Variants in PLPPR1 observed in about 807,000 individuals in gnomAD.
The protein encoded by PLPPR1 is phospholipid phosphatase-related protein type 1.
Under a neutral mutation model 33.1 loss-of-function variants are expected in PLPPR1, and 10 were observed. The ratio of observed to expected loss-of-function variants is 0.30; its 90% confidence interval spans 0.19 to 0.51. The LOEUF is 0.51. Among genes scored for constraint, PLPPR1 ranks in the 20% least tolerant of loss-of-function variants. The pLI, the probability that PLPPR1 is intolerant of heterozygous loss-of-function variation, is 0.97. For synonymous variants in PLPPR1, 151 were observed against 151.0 expected (o/e 1.00, Z 0.00); for missense variants, 304 against 408.1 (o/e 0.74, Z 2.20).
At chr9:101,222,076 AC>A (rs1174403016) in intron 2 of PLPPR1, among the ~76,000 whole-genome samples, 2 of 152,166 alleles carry the variant, frequency 1.3e-5, no homozygotes, top group Non-Finnish European at 2.9e-5. Flanking sequence ...GCAATGCATG[AC>A]TTCTTTAGGT....
intron 1 of PLPPR1, among the ~76,000 whole-genome samples, chr9:101,146,520 A>G (rs1299675127): frequency 1.3e-5 from 2 of 152,232 alleles, no homozygotes; most frequent in Non-Finnish European, 2.9e-5. Context: ...CATGTGTCCC[A>G]TGTCCTGTCC....
At chr9:101,186,110 G>A (rs1432434956) in intron 2 of PLPPR1, among the ~76,000 whole-genome samples, 1 of 151,798 alleles carries the variant, frequency 6.6e-6, no homozygotes, top group Non-Finnish European at 1.5e-5. Context: ...CTCCAACTTT[G>A]TACTAGCAGT....
intron 1 of PLPPR1, among the ~76,000 whole-genome samples, chr9:101,172,247 G>T (rs967208967): frequency 9.9e-5 from 15 of 151,982 alleles, no homozygotes; most frequent in African/African-American, 2.7e-4. Flanking sequence ...GGGAAAAAGC[G>T]TACCACTCAG....
At chr9:101,064,185 G>C (rs1342218204) in intron 1 of PLPPR1, among the ~76,000 whole-genome samples, 1 of 151,988 alleles carries the variant, frequency 6.6e-6, no homozygotes, top group East Asian at 1.9e-4. Context: ...TTATTTTAAA[G>C]TAACTATTCC....
At chr9:101,174,473 G>T (rs1825990202) in intron 1 of PLPPR1, among the ~76,000 whole-genome samples, 1 of 152,118 alleles carries the variant, frequency 6.6e-6, no homozygotes, top group South Asian at 2.1e-4. Flanking sequence ...TCAAGGCTGG[G>T]CAGAAAGGCC....
At chr9:101,239,718 G>C (rs1026940169) in intron 2 of PLPPR1, among the ~76,000 whole-genome samples, 1 of 151,918 alleles carries the variant, frequency 6.6e-6, no homozygotes, top group Non-Finnish European at 1.5e-5. Flanking sequence ...GCTTTTGAGA[G>C]ATGTCTATTC....
At chr9:101,313,514 G>A (rs1261394863) in intron 6 of PLPPR1, among the ~76,000 whole-genome samples, 1 of 152,056 alleles carries the variant, frequency 6.6e-6, no homozygotes, top group Non-Finnish European at 1.5e-5. Flanking sequence ...TGTTACTATT[G>A]GAACATGCCT....
At chr9:101,114,367 A>G (rs1391004283) in intron 1 of PLPPR1, among the ~76,000 whole-genome samples, 1 of 152,198 alleles carries the variant, frequency 6.6e-6, no homozygotes, top group Non-Finnish European at 1.5e-5. Flanking sequence ...CCAACAGGGG[A>G]CAGATAGCAC....
intron 1 of PLPPR1, among the ~76,000 whole-genome samples, chr9:101,079,701 T>A (rs927120064): frequency 2.0e-5 from 3 of 152,076 alleles, no homozygotes; most frequent in Admixed American, 2.0e-4. Context: ...TGCCTCAGCC[T>A]CCTGAGTAGC....
At chr9:101,249,985 A>AT (rs1255255815) in intron 2 of PLPPR1, among the ~76,000 whole-genome samples, 1 of 152,006 alleles carries the variant, frequency 6.6e-6, no homozygotes, top group Non-Finnish European at 1.5e-5. Context: ...TTCAACCGAT[A>AT]TTTTTTGCAA....
chr9:101,299,627 T>C (rs1319130552), intron 4 of PLPPR1, among the ~76,000 whole-genome samples: 1 of 152,206 alleles, frequency 6.6e-6, no homozygotes, highest in East Asian at 1.9e-4. Context: ...GATTCTTTTC[T>C]GTGGGTCCTC....
chr9:101,029,185 G>A (rs1217671336), intron 1 of PLPPR1, 83 bp downstream of exon 1: 3 of 153,482 alleles, frequency 2.0e-5, no homozygotes, highest in African/African-American at 7.2e-5. Context: ...CTCCTGGCCG[G>A]ACCCGGCGGC....
At chr9:101,156,552 C>CAAAAAAA (rs1162056636) in intron 1 of PLPPR1, among the ~76,000 whole-genome samples, 17 of 71,276 alleles carry the variant, frequency 2.4e-4, no homozygotes, top group African/African-American at 6.4e-4. Context: ...ACCCTGTCTC[C>CAAAAAAA]AAAAAAAAAA....
intron 1 of PLPPR1, among the ~76,000 whole-genome samples, chr9:101,152,408 T>TC (rs1831601483): frequency 1.3e-5 from 2 of 152,220 alleles, no homozygotes; most frequent in Non-Finnish European, 2.9e-5. Context: ...TTTAATTAGA[T>TC]CCCATTTGTC....
At chr9:101,311,840 A>G (rs1006636439) in intron 5 of PLPPR1, among the ~76,000 whole-genome samples, 3 of 152,246 alleles carry the variant, frequency 2.0e-5, no homozygotes, top group Admixed American at 6.5e-5. Flanking sequence ...CACATAGCAC[A>G]TTTGTTAAGA....
intron 2 of PLPPR1, among the ~76,000 whole-genome samples, chr9:101,235,594 AAT>A (rs1293468709): frequency 1.3e-5 from 2 of 151,864 alleles, no homozygotes; most frequent in African/African-American, 2.4e-5. Context: ...CAAGAAAAAA[AAT>A]AGTTTCTTAT....
intron 1 of PLPPR1, among the ~76,000 whole-genome samples, chr9:101,046,626 T>C (rs577517173): frequency 1.3e-5 from 2 of 151,824 alleles, no homozygotes; most frequent in South Asian, 4.2e-4. Flanking sequence ...GTGTTTTTAG[T>C]AGAGACAAAA....
At chr9:101,268,274 T>G (rs1828034708) in intron 2 of PLPPR1, among the ~76,000 whole-genome samples, 1 of 150,002 alleles carries the variant, frequency 6.7e-6, no homozygotes, top group East Asian at 1.9e-4. Context: ...ATAAAATCTT[T>G]GATGTGAAAA....
At chr9:101,300,165 G>A (rs1184573236) in intron 4 of PLPPR1, among the ~76,000 whole-genome samples, 1 of 151,946 alleles carries the variant, frequency 6.6e-6, no homozygotes, top group Non-Finnish European at 1.5e-5. Context: ...GTGTGTTTTG[G>A]AAGCAACTTA....
Sources: gnomAD v4.1 joint callset for allele counts (sites outside exome capture counted in the v4.1 genomes callset) on GRCh38, gnomAD v4.1.1 for gene constraint, MANE v1.5 for transcripts, NCBI Gene and HGNC (gene_info 2026-07-23, HGNC 2026-07-21) for gene names.